The following CPSF7 variants were observed in gnomAD, a reference collection of about 807,000 sequenced individuals.
The protein encoded by CPSF7 is cleavage and polyadenylation specificity factor subunit 7.
In CPSF7, 1 loss-of-function variant was observed where a neutral mutation model predicts 44.3. The ratio of observed to expected loss-of-function variants is 0.02; its 90% CI spans 0.01 to 0.11. CPSF7 has a LOEUF of 0.11. Ranked by LOEUF, CPSF7 falls within the 10% of genes least tolerant of loss-of-function variation. The pLI is 1.00. For synonymous variants in CPSF7, 202 were observed against 222.0 expected (o/e 0.91, Z 0.80); for missense variants, 443 against 607.2 (o/e 0.73, Z 2.84).
chr11:61,406,317 T>C (rs1289807775), intron 9 of CPSF7: 1 of 152,150 alleles, frequency 6.6e-6, no homozygotes, highest in Non-Finnish European at 1.5e-5. Context: ...CTGGACAAAA[T>C]GTACCTTTCA....
chr11:61,427,052 A>AAAAAAAAG (rs138052480), intron 2 of CPSF7: 1 of 106,576 alleles, frequency 9.4e-6, no homozygotes, highest in South Asian at 3.3e-4. Flanking sequence ...AAAAAAAAAA[A>AAAAAAAAG]GAGAAGAACT....
chr11:61,416,015 A>G (rs1271819055), intron 6 of CPSF7, 90 bp downstream of exon 6: 36 of 1,206,316 alleles, frequency 3.0e-5, no homozygotes, highest in Non-Finnish European at 4.0e-5. Context: ...GGAAAGAACA[A>G]GGATTCAGTG....
intron 5 of CPSF7, among the ~76,000 whole-genome samples, chr11:61,416,959 G>A (rs1391944458): frequency 3.9e-5 from 6 of 152,086 alleles, no homozygotes; most frequent in African/African-American, 1.4e-4. Context: ...TCTTCCTGTT[G>A]CACACTTAAA....
chr11:61,427,026 C>CAAAAAAAAAA (rs71471825), intron 2 of CPSF7: 2 of 13,668 alleles, frequency 1.5e-4, no homozygotes, highest in African/African-American at 2.2e-4. Context: ...GACTCTGTCT[C>CAAAAAAAAAA]AAAAAAAAAA....
Position 61,421,432 on chromosome 11 carries a change from C to G in CPSF7, c.231G>C (p.Leu77=). The change falls in exon 3 of 10, where the codon CTG becomes CTC. Residue 77 remains leucine (L), a synonymous_variant. Coordinates refer to ENST00000439958, the MANE Select transcript of CPSF7 (RefSeq NM_001142565.3). ...TPAILYTYSG[L]RNRRAAVYVG... ...CATAAACGGCAGCTCGTCTATTACG[C>G]AGGCCACTGTAGGTATACAGAATTG... 1 of 1,614,184 alleles carries G rather than the reference C, an allele frequency of 6.2e-7. No homozygotes were observed. Among genetic ancestry groups the G allele is most frequent in the South Asian group, 1.1e-5 (1 of 91,088 alleles).
intron 5 of CPSF7, among the ~76,000 whole-genome samples, chr11:61,418,844 G>A (rs117859539): frequency 0.01 from 1,588 of 151,850 alleles, 13 homozygotes; most frequent in Non-Finnish European, 0.017. Context: ...TCAGACTCCC[G>A]AGTAGCTGAG....
intron 2 of CPSF7, among the ~76,000 whole-genome samples, chr11:61,424,577 C>T (rs1250914481): frequency 3.9e-5 from 6 of 152,150 alleles, no homozygotes; most frequent in Admixed American, 1.3e-4. Flanking sequence ...CTCAGCCTCC[C>T]GAGCAGCTGG....
chr11:61,415,615 A>G lies in CPSF7; in HGVS notation c.1057+51T>C, dbSNP rs374286273. Reference sequence around the variant, plus strand: ...TGCCAGTAGAAATGACAAAATCAGGAAAAAAAAGTAAAGGTTAAGGAGAAG... The same window carrying G: ...TGCCAGTAGAAATGACAAAATCAGGGAAAAAAAGTAAAGGTTAAGGAGAAG... On this transcript the variant is annotated intron_variant, in intron 7 of 9. Coordinates refer to ENST00000439958, the MANE Select transcript of CPSF7 (RefSeq NM_001142565.3). 1.4e-5 allele frequency: 17 copies of G among 1,215,700 alleles called. No individual in the cohort carries two copies. In the African/African-American group the frequency reaches 1.8e-4, roughly 13 times the overall value. The allele number at this position is 1,215,700 out of a possible 1,614,324, so 75.3% of individuals were successfully genotyped here.
chr11:61,429,267 A>T lies in CPSF7; in HGVS notation c.-32T>A, dbSNP rs369361391. 6.2e-7 allele frequency: 1 copy of T among 1,612,832 alleles called. No homozygotes were observed. Among genetic ancestry groups the T allele is most frequent in the Non-Finnish European group, 8.5e-7 (1 of 1,178,878 alleles). On this transcript the variant is annotated 5_prime_UTR_variant, in exon 2 of 10. Transcript: ENST00000439958. ...GGAAGGAAGATCGCGAGTCCGGAGG[A>T]TGGACAAAGTAAGGAAGATGCCACT... is the stretch of plus-strand genomic sequence containing the variant.
At chr11:61,424,534 C>A (rs2135393573) in intron 2 of CPSF7, among the ~76,000 whole-genome samples, 2 of 152,306 alleles carry the variant, frequency 1.3e-5, no homozygotes, top group Middle Eastern at 6.8e-3. Context: ...CTCACTGCAA[C>A]CTCCGCCTCC....
chr11:61,425,423 C>T (rs115612063), intron 2 of CPSF7, among the ~76,000 whole-genome samples: 2,045 of 152,314 alleles, frequency 0.013, 51 homozygotes, highest in African/African-American at 0.046. Context: ...GGAGATTAAA[C>T]ATGAAACATA....
intron 9 of CPSF7, among the ~76,000 whole-genome samples, chr11:61,410,083 G>A (rs376746663): frequency 1.0e-3 from 152 of 151,712 alleles, no homozygotes; most frequent in African/African-American, 3.3e-3. Context: ...TTACAGGCAT[G>A]AGGCACCCAC....
chr11:61,428,348 G>C (rs779280744), intron 2 of CPSF7, among the ~76,000 whole-genome samples: 1 of 151,570 alleles, frequency 6.6e-6, no homozygotes, highest in African/African-American at 2.4e-5. Flanking sequence ...ATATCTCGTT[G>C]TTGTTTTTTT....
In CPSF7 at chr11:61,404,274, T is replaced by A. The variant is rs1219512940; in HGVS notation, c.*436A>T. 1 of 152,592 alleles carries A rather than the reference T, an allele frequency of 6.6e-6. No individual in the cohort carries two copies. The highest frequency in any genetic ancestry group is 2.4e-5 in the African/African-American group (1 of 41,412). 9.5% of individuals were successfully genotyped at this position (152,592 alleles called of 1,614,324 possible). A position where few individuals can be genotyped will look rare whatever the true frequency, so the allele number is the denominator to read the frequency against. On this transcript the variant is annotated 3_prime_UTR_variant, in exon 10 of 10. Coordinates refer to ENST00000439958, the MANE Select transcript of CPSF7 (RefSeq NM_001142565.3). ...AAATCTAGTGCTGAGGGCAGGACCC[T>A]GGGCATATTTTGGCACACCCAGTCA... is the stretch of plus-strand genomic sequence containing the variant.
chr11:61,429,707 G>A, intron 1 of CPSF7: 2 of 1,523,466 alleles, frequency 1.3e-6, no homozygotes, highest in African/African-American at 1.4e-5. Context: ...CCCCAACCCA[G>A]GCCTACTCTT....
At position 61,421,618 on chromosome 11, in the gene CPSF7, G is replaced by A. The variant is rs780280076; in HGVS notation, c.55-10C>T. The A allele has an allele frequency of 6.2e-7, 1 of 1,601,414 alleles. No individual in the cohort carries two copies. ...TGTTGAACTCTGGGTCCTAAGAGATGAGGGGTTGGCAAAGGTAGGTCTGCA... is the reference window on the plus strand; with the variant it reads ...TGTTGAACTCTGGGTCCTAAGAGATAAGGGGTTGGCAAAGGTAGGTCTGCA... On this transcript the variant is annotated splice_polypyrimidine_tract_variant and intron_variant, in intron 2 of 9. Transcript: ENST00000439958.
chr11:61,427,409 C>A (rs1861475890), intron 2 of CPSF7: 1 of 152,106 alleles, frequency 6.6e-6, no homozygotes, highest in East Asian at 1.9e-4. Context: ...GTAATCCCAA[C>A]TTTGGGAGGC....
chr11:61,409,575 G>T (rs1228354073), intron 9 of CPSF7, among the ~76,000 whole-genome samples: 1 of 152,048 alleles, frequency 6.6e-6, no homozygotes, highest in South Asian at 2.1e-4. Context: ...CCACCACAAA[G>T]CCTCTAAACC....
rs979282624 is a variant in CPSF7 at position 61,402,907 on chromosome 11, A to C, written c.*1803T>G. 2.6e-5 allele frequency: 4 copies of C among 152,486 alleles called. No individual in the cohort carries two copies. The highest frequency in any genetic ancestry group is 7.2e-5 in the African/African-American group (3 of 41,414). 9.4% of individuals were successfully genotyped at this position (152,486 alleles called of 1,614,324 possible). A position where few individuals can be genotyped will look rare whatever the true frequency, so the allele number is the denominator to read the frequency against. ...GAGTAAAAACAAAACAAATGGGGAG[A>C]AAAAAATTCTCCGGGTAAACGGCAT... On this transcript the variant is annotated 3_prime_UTR_variant, in exon 10 of 10. Coordinates refer to ENST00000439958, the MANE Select transcript of CPSF7 (RefSeq NM_001142565.3).
Sources: gnomAD v4.1 joint callset for allele counts (sites outside exome capture counted in the v4.1 genomes callset) on GRCh38, gnomAD v4.1.1 for gene constraint, MANE v1.5 for transcripts, NCBI Gene and HGNC (gene_info 2026-07-23, HGNC 2026-07-21) for gene names.